The following ROCK1 variants were observed in gnomAD, a reference collection of about 807,000 sequenced individuals.
The protein encoded by ROCK1 is Rho associated coiled-coil containing protein kinase 1, also known as rho-associated protein kinase 1.
Under a neutral mutation model 196.8 loss-of-function variants are expected in ROCK1, and 36 were observed. The ratio of observed to expected loss-of-function variants is 0.18; its 90% CI spans 0.14 to 0.24. The LOEUF (loss-of-function observed/expected upper bound fraction) is 0.24. Ranked by LOEUF, ROCK1 falls within the 10% of genes least tolerant of loss-of-function variation. The probability of loss-of-function intolerance (pLI) is 1.00; values close to 1 mark genes in which losing one functional copy is unlikely to be tolerated. For missense variants in ROCK1, 920 were observed against 1,562.0 expected (o/e 0.59, Z 6.93); for synonymous variants, 443 against 515.9 (o/e 0.86, Z 1.91).
intron 22 of ROCK1, among the ~76,000 whole-genome samples, chr18:20,978,057 T>C (rs766896569): frequency 6.6e-6 from 1 of 152,212 alleles, no homozygotes; most frequent in Non-Finnish European, 1.5e-5. Context: ...ACCTTAAATA[T>C]TTTAATCAAT....
intron 1 of ROCK1, among the ~76,000 whole-genome samples, chr18:21,090,510 C>A (rs992578626): frequency 2.0e-5 from 3 of 152,138 alleles, no homozygotes; most frequent in Non-Finnish European, 2.9e-5. Flanking sequence ...ACATTATTGG[C>A]TTTTGGTCCT....
intron 1 of ROCK1, among the ~76,000 whole-genome samples, chr18:21,081,235 T>G (rs1182427302): frequency 9.2e-5 from 14 of 151,972 alleles, no homozygotes; most frequent in Non-Finnish European, 1.8e-4. Flanking sequence ...ATTACAAACG[T>G]GGAAATTAGA....
chr18:21,049,609 C>T (rs2036188433), intron 3 of ROCK1, among the ~76,000 whole-genome samples, 171 bp downstream of exon 3: 1 of 152,180 alleles, frequency 6.6e-6, no homozygotes, highest in Non-Finnish European at 1.5e-5. Context: ...AAACACTTCC[C>T]ACTATGGCTA....
At chr18:21,005,654 A>G (rs2035762283) in intron 16 of ROCK1, among the ~76,000 whole-genome samples, 1 of 152,178 alleles carries the variant, frequency 6.6e-6, no homozygotes, top group African/African-American at 2.4e-5. Context: ...AGGTGGGCGG[A>G]TCGCTTGAGC....
intron 2 of ROCK1, among the ~76,000 whole-genome samples, chr18:21,065,920 A>G (rs1473903719): frequency 6.6e-6 from 1 of 152,128 alleles, no homozygotes; most frequent in Non-Finnish European, 1.5e-5. Flanking sequence ...ATATAATTAA[A>G]CCTGATGATT....
chr18:21,080,774 AAG>A (rs1472879924), intron 1 of ROCK1, among the ~76,000 whole-genome samples: 1 of 152,220 alleles, frequency 6.6e-6, no homozygotes, highest in Non-Finnish European at 1.5e-5. Flanking sequence ...ATATTGATAA[AAG>A]AGTTAATTCA....
intron 27 of ROCK1, among the ~76,000 whole-genome samples, chr18:20,966,295 T>G (rs560744890): frequency 9.8e-5 from 15 of 152,320 alleles, no homozygotes; most frequent in African/African-American, 3.4e-4. Flanking sequence ...GAGGTTGTGT[T>G]TATTTTTAAA....
intron 27 of ROCK1, 80 bp downstream of exon 27, chr18:20,966,837 G>A (rs544997830): frequency 8.5e-5 from 95 of 1,117,452 alleles, no homozygotes; most frequent in East Asian, 1.7e-4. Flanking sequence ...ATGACAAGGA[G>A]GTAGAAAACC....
intron 14 of ROCK1, among the ~76,000 whole-genome samples, chr18:21,007,691 T>A (rs186792890): frequency 7.9e-4 from 121 of 152,204 alleles, no homozygotes; most frequent in Non-Finnish European, 7.2e-4. Flanking sequence ...CAGCTGCTTG[T>A]TAGAAGTACC....
intron 12 of ROCK1, among the ~76,000 whole-genome samples, chr18:21,018,421 T>C (rs1432968058): frequency 6.6e-6 from 1 of 151,352 alleles, no homozygotes; most frequent in Non-Finnish European, 1.5e-5. Context: ...TCCCAGCTAC[T>C]CGGGGGACTG....
intron 2 of ROCK1, among the ~76,000 whole-genome samples, chr18:21,063,870 A>G (rs934160081): frequency 6.6e-6 from 1 of 152,200 alleles, no homozygotes; most frequent in Non-Finnish European, 1.5e-5. Context: ...TCTTTGGTTT[A>G]TTATAACCAG....
At chr18:20,984,044 T>C (rs770808924) in intron 20 of ROCK1, among the ~76,000 whole-genome samples, 8 of 152,198 alleles carry the variant, frequency 5.3e-5, no homozygotes, top group Non-Finnish European at 8.8e-5. Context: ...CAAAGTGTCA[T>C]GTCTAATTCT....
chr18:20,972,780 G>C (rs549859495), intron 22 of ROCK1, among the ~76,000 whole-genome samples: 16 of 152,192 alleles, frequency 1.1e-4, no homozygotes, highest in Non-Finnish European at 1.9e-4. Flanking sequence ...ACTGGAGTGA[G>C]CTCAAGAGAG....
At chr18:21,070,151 A>C (rs1201003062) in intron 2 of ROCK1, among the ~76,000 whole-genome samples, 1 of 152,070 alleles carries the variant, frequency 6.6e-6, no homozygotes, top group African/African-American at 2.4e-5. Flanking sequence ...TTATTTAATC[A>C]AATTTTTAAA....
intron 9 of ROCK1, among the ~76,000 whole-genome samples, chr18:21,035,898 T>C (rs2036052881): frequency 6.6e-6 from 1 of 152,148 alleles, no homozygotes. Context: ...GAAAGAATAG[T>C]GATTACTGGA....
intron 10 of ROCK1, among the ~76,000 whole-genome samples, chr18:21,028,155 C>T (rs1263014416): frequency 2.7e-5 from 4 of 150,858 alleles, no homozygotes; most frequent in East Asian, 2.0e-4. Context: ...CGGTGGGTCA[C>T]GCCTGTAATC....
At position 20,950,193 on chromosome 18, in the gene ROCK1, T is replaced by C. The variant is rs1254207588; in HGVS notation, c.*1191A>G. ...TAATTCCTATGTTAACTGGAAAACA[T>C]CATGGATGTATTGCCATATTTCCTT... On this transcript the variant is annotated 3_prime_UTR_variant, in exon 33 of 33. Coordinates refer to ENST00000399799, the MANE Select transcript of ROCK1 (RefSeq NM_005406.3). 2.0e-5 allele frequency: 3 copies of C among 152,736 alleles called. No homozygotes were observed. Among genetic ancestry groups the C allele is most frequent in the South Asian group, 4.1e-4 (2 of 4,832 alleles). The allele number at this position is 152,736 out of a possible 1,614,324, so 9.5% of individuals were successfully genotyped here.
chr18:21,006,659 T>C, intron 15 of ROCK1, 40 bp downstream of exon 15: 3 of 1,581,994 alleles, frequency 1.9e-6, no homozygotes, highest in Non-Finnish European at 2.6e-6. Flanking sequence ...TTTAATTATC[T>C]ACAATTTTTT....
intron 22 of ROCK1, among the ~76,000 whole-genome samples, chr18:20,973,778 C>T (rs1353590131): frequency 6.6e-6 from 1 of 150,938 alleles, no homozygotes; most frequent in Non-Finnish European, 1.5e-5. Flanking sequence ...TTTTTTGTGA[C>T]CTTTCTCAAT....
Sources: gnomAD v4.1 joint callset for allele counts (sites outside exome capture counted in the v4.1 genomes callset) on GRCh38, gnomAD v4.1.1 for gene constraint, MANE v1.5 for transcripts, NCBI Gene and HGNC (gene_info 2026-07-23, HGNC 2026-07-21) for gene names.